Variants in INPP4B observed in about 807,000 individuals in gnomAD.
INPP4B encodes inositol polyphosphate-4-phosphatase type II B.
A neutral mutation model predicts 122.5 loss-of-function variants in INPP4B; 55 were observed. That is an observed-to-expected ratio of 0.45 (90% confidence interval 0.36 to 0.56). The LOEUF (loss-of-function observed/expected upper bound fraction) is 0.56, where lower values mean the gene tolerates loss of function less well. Among genes scored for constraint, INPP4B ranks in the 20% least tolerant of loss-of-function variants. The pLI is 0.00. For missense variants in INPP4B, 1,000 were observed against 1,097.7 expected (o/e 0.91, Z 1.26); for synonymous variants, 403 against 388.7 (o/e 1.04, Z -0.43).
chr4:142,413,226 C>T lies in INPP4B; in HGVS notation c.137-7902G>A, dbSNP rs188336477. Among the ~76,000 whole-genome samples, 326 of 151,772 alleles carry T rather than the reference C, an allele frequency of 2.1e-3. 1 individual carries two copies. The highest frequency in any genetic ancestry group is 7.2e-3 in the African/African-American group (297 of 41,398). ...GCACTAAGTTCTAAAAATTAATGTC[C>T]CAAATTCAAAGCCAGGGTCTTTCTC... is the stretch of plus-strand genomic sequence containing the variant. On this transcript the variant is annotated intron_variant, in intron 5 of 25. Transcript: ENST00000262992.
chr4:142,577,726 A>G (rs1430977475), intron 2 of INPP4B, among the ~76,000 whole-genome samples: 2 of 152,002 alleles, frequency 1.3e-5, no homozygotes, highest in East Asian at 3.9e-4. Flanking sequence ...TTTGTGCGTC[A>G]TATAGAATAG....
chr4:142,511,834 C>T (rs1351521385), intron 2 of INPP4B, among the ~76,000 whole-genome samples: 4 of 152,056 alleles, frequency 2.6e-5, no homozygotes, highest in Non-Finnish European at 5.9e-5. Context: ...TAACTGATGG[C>T]TACAATAAAA....
At chr4:142,136,763 A>C (rs1386630272) in intron 18 of INPP4B, among the ~76,000 whole-genome samples, 3 of 152,194 alleles carry the variant, frequency 2.0e-5, no homozygotes, top group Non-Finnish European at 4.4e-5. Flanking sequence ...AAGAGGGAGA[A>C]AGCTTGGCAA....
rs1554013548 is a variant in INPP4B, at chr4:142,806,782, A to AGAAG, written c.-254+39423_-254+39426dup. On this transcript the variant is annotated intron_variant, in intron 1 of 25. Transcript: ENST00000262992. ...GAAGAAAGAAGAAAGAAAGAAAGAA[A>AGAAG]GAAGGAAAGAAAGAAAGAAAGAAAG... 1.4e-3 allele frequency among the ~76,000 whole-genome samples: 101 copies of AGAAG among 73,122 alleles called. 2 individuals are homozygous for AGAAG. The highest frequency in any genetic ancestry group is 2.6e-3 in the African/African-American group (53 of 20,200). The allele number at this position is 73,122 out of a possible 152,430, so 48.0% of individuals were successfully genotyped here.
At chr4:142,474,896 C>T (rs1819548082) in intron 2 of INPP4B, among the ~76,000 whole-genome samples, 3 of 152,170 alleles carry the variant, frequency 2.0e-5, no homozygotes, top group African/African-American at 7.2e-5. Flanking sequence ...CTCCTATTGC[C>T]CCAGAAACCA....
chr4:142,469,184 G>C (rs1156640363), intron 2 of INPP4B, among the ~76,000 whole-genome samples: 1 of 151,314 alleles, frequency 6.6e-6, no homozygotes, highest in Non-Finnish European at 1.5e-5. Context: ...CAAAGTTCAA[G>C]GATGCAAGGT....
chr4:142,154,330 A>G (rs748295751), intron 17 of INPP4B, among the ~76,000 whole-genome samples: 7 of 152,224 alleles, frequency 4.6e-5, no homozygotes, highest in East Asian at 1.9e-4. Context: ...GCACATTAAT[A>G]ATTAAATAAA....
At chr4:142,621,874 TTAAG>T (rs2150375689) in intron 2 of INPP4B, among the ~76,000 whole-genome samples, 1 of 152,058 alleles carries the variant, frequency 6.6e-6, no homozygotes, top group Admixed American at 6.6e-5. Flanking sequence ...TCTCAATGCT[TTAAG>T]TAGTATAACT....
chr4:142,720,425 G>T (rs1465151308), intron 2 of INPP4B, among the ~76,000 whole-genome samples: 1 of 151,890 alleles, frequency 6.6e-6, no homozygotes, highest in Admixed American at 6.6e-5. Context: ...AGTGGGGTAT[G>T]GTTCCAGGTT....
At chr4:142,338,887 G>C (rs972831827) in intron 7 of INPP4B, among the ~76,000 whole-genome samples, 1 of 152,060 alleles carries the variant, frequency 6.6e-6, no homozygotes, top group African/African-American at 2.4e-5. Flanking sequence ...ACCTCAACAG[G>C]CTTCCTTGTC....
chr4:142,160,804 C>T (rs1222184861), intron 16 of INPP4B, among the ~76,000 whole-genome samples: 1 of 152,028 alleles, frequency 6.6e-6, no homozygotes, highest in Non-Finnish European at 1.5e-5. Flanking sequence ...ACTATAAACA[C>T]CGTCTGTCTC....
At chr4:142,450,687 A>G (rs1813957166) in intron 3 of INPP4B, among the ~76,000 whole-genome samples, 2 of 152,226 alleles carry the variant, frequency 1.3e-5, no homozygotes, top group African/African-American at 2.4e-5. Context: ...TAACAAATGT[A>G]TTCAGTAACT....
chr4:142,549,605 A>G (rs2150070806), intron 2 of INPP4B, among the ~76,000 whole-genome samples: 1 of 152,274 alleles, frequency 6.6e-6, no homozygotes, highest in Non-Finnish European at 1.5e-5. Flanking sequence ...TCATATATTG[A>G]AAATAAGTAC....
chr4:142,053,264 C>A (rs985728118), intron 25 of INPP4B, among the ~76,000 whole-genome samples: 1 of 151,986 alleles, frequency 6.6e-6, no homozygotes, highest in Non-Finnish European at 1.5e-5. Context: ...GGCCACTGAA[C>A]TGCTCTTAAG....
At chr4:142,254,549 T>C (rs1002921355) in intron 11 of INPP4B, among the ~76,000 whole-genome samples, 3 of 151,896 alleles carry the variant, frequency 2.0e-5, no homozygotes, top group Admixed American at 6.6e-5. Context: ...GAGAACTCTG[T>C]GAAGAATGCA....
At chr4:142,177,143 T>C (rs1272197843) in intron 15 of INPP4B, among the ~76,000 whole-genome samples, 1 of 152,172 alleles carries the variant, frequency 6.6e-6, no homozygotes, top group Non-Finnish European at 1.5e-5. Context: ...AGGCATCGGT[T>C]GTTCTGATGA....
upstream of INPP4B, chr4:142,846,417 G>C (rs1477264811): frequency 1.3e-5 from 2 of 152,454 alleles, no homozygotes; most frequent in African/African-American, 4.8e-5. The surrounding 1 kb of genome is among the most constrained non-coding windows in gnomAD (Gnocchi z 5.1). Context: ...CCGCGGCTTC[G>C]CGAGGCTCCA....
At chr4:142,678,381 T>C (rs1758121947) in intron 2 of INPP4B, among the ~76,000 whole-genome samples, 1 of 151,846 alleles carries the variant, frequency 6.6e-6, no homozygotes, top group South Asian at 2.1e-4. Flanking sequence ...AAACCCCTCC[T>C]GAGAGGGGGT....
rs371439704 is a variant in INPP4B, at chr4:142,397,221, G to T, written c.372+5717C>A. On this transcript the variant is annotated intron_variant, in intron 7 of 25. Coordinates refer to ENST00000262992, the MANE Select transcript of INPP4B (RefSeq NM_001101669.3). ...ATCTGTAACTCCCTTTGCAAACTAT[G>T]TCACAATGAAGACAGAAGCATTTCA... Among the ~76,000 whole-genome samples, 76 of 152,272 alleles carry T rather than the reference G, an allele frequency of 5.0e-4. 1 individual carries two copies. In the South Asian group the frequency reaches 0.015, roughly 31 times the overall value.
Sources: gnomAD v4.1 joint callset for allele counts (sites outside exome capture counted in the v4.1 genomes callset) on GRCh38, gnomAD v4.1.1 for gene constraint, Gnocchi (gnomAD v3.1) non-coding constraint, MANE v1.5 for transcripts, NCBI Gene and HGNC (gene_info 2026-07-23, HGNC 2026-07-21) for gene names.